The following LSP1 variants were observed in gnomAD, a reference collection of about 807,000 sequenced individuals.
LSP1 encodes lymphocyte-specific protein 1.
LSP1 carries 32 observed loss-of-function variants against 49.3 expected under a neutral mutation model. The observed-to-expected ratio is 0.65, with a 90% CI of 0.49 to 0.87. The LOEUF (loss-of-function observed/expected upper bound fraction) is 0.87, where lower values mean the gene tolerates loss of function less well. Ranked by LOEUF, LSP1 falls within the 40% of genes least tolerant of loss-of-function variation. The pLI, the probability that LSP1 is intolerant of heterozygous loss-of-function variation, is 0.00. For missense variants in LSP1, 428 were observed against 442.6 expected, an observed-to-expected ratio of 0.97 and a Z score of 0.30; for synonymous variants, 179 against 178.8, an observed-to-expected ratio of 1.00 and a Z score of -0.01.
intron 1 of LSP1, among the ~76,000 whole-genome samples, chr11:1,858,139 G>A (rs547897193): frequency 7.2e-5 from 11 of 152,194 alleles, no homozygotes; most frequent in African/African-American, 1.2e-4. Flanking sequence ...TTTCACAGAC[G>A]GAAACCGAGG....
At chr11:1,865,390 C>T (rs376473312) in intron 1 of LSP1, 5 of 238,452 alleles carry the variant, frequency 2.1e-5, no homozygotes, top group African/African-American at 4.7e-5. Context: ...GCGTGGGCAG[C>T]GAGAGGGTGC....
At chr11:1,853,331 G>A (rs1847407682) in intron 1 of LSP1, 134 bp downstream of exon 1, 3 of 910,280 alleles carry the variant, frequency 3.3e-6, no homozygotes, top group East Asian at 2.7e-5. Context: ...TTGGATGTCC[G>A]ATGGGGAAAC....
chr11:1,865,919 G>A (rs1173320057), intron 1 of LSP1, among the ~76,000 whole-genome samples: 1 of 152,028 alleles, frequency 6.6e-6, no homozygotes, highest in East Asian at 1.9e-4. Context: ...CAGGGCCAGG[G>A]AAGGTGCCCG....
chr11:1,853,381 C>T (rs1589801561), intron 1 of LSP1, among the ~76,000 whole-genome samples, 184 bp downstream of exon 1: 1 of 152,166 alleles, frequency 6.6e-6, no homozygotes, highest in South Asian at 2.1e-4. Flanking sequence ...CTTGCTGGGA[C>T]CCCCCTCTCA....
intron 1 of LSP1, chr11:1,870,299 C>G: frequency 7.7e-7 from 1 of 1,299,760 alleles, no homozygotes; most frequent in Non-Finnish European, 1.0e-6. Context: ...AAAGCTTACT[C>G]CCATCCTGGG....
At chr11:1,855,332 C>T (rs1847461766) in intron 1 of LSP1, among the ~76,000 whole-genome samples, 1 of 152,196 alleles carries the variant, frequency 6.6e-6, no homozygotes, top group African/African-American at 2.4e-5. Context: ...GCAGGCTCAG[C>T]TGGGGCTGGA....
In LSP1 at chr11:1,853,713, C is replaced by T. The variant is rs115322918; in HGVS notation, c.53+516C>T. ...CCCAGCAGGCCTCAGGGCAGGGCAC[C>T]CAAAGCTGCCCTTGACCTGCGGTAA... is the stretch of plus-strand genomic sequence containing the variant. On this transcript the variant is annotated intron_variant, in intron 1 of 10. Transcript: ENST00000311604. 2.4e-3 allele frequency among the ~76,000 whole-genome samples: 360 copies of T among 152,304 alleles called. 2 individuals carry two copies. The highest frequency in any genetic ancestry group is 8.4e-3 in the African/African-American group (351 of 41,568).
intron 3 of LSP1, 81 bp downstream of exon 3, chr11:1,881,677 G>T (rs1848551879): frequency 7.1e-7 from 1 of 1,415,676 alleles, no homozygotes; most frequent in Non-Finnish European, 9.3e-7. Context: ...GGCAGAGCAG[G>T]GCTCCCTCTG....
rs370841098 is a variant in LSP1, at chr11:1,871,209, G to C, written c.54-8878G>C. ...TGCACAGCACGCAGAACAGGAGGAGGGGGGAAGAAAGAGCAGGCACGGGGC... is the reference window on the plus strand; with the variant it reads ...TGCACAGCACGCAGAACAGGAGGAGCGGGGAAGAAAGAGCAGGCACGGGGC... On this transcript the variant is annotated intron_variant, in intron 1 of 10. Coordinates refer to ENST00000311604, the MANE Select transcript of LSP1 (RefSeq NM_002339.3). The C allele has an allele frequency of 5.3e-5, 52 of 986,342 alleles. No homozygotes were observed. The South Asian group carries it at 1.5e-3, about 28-fold the overall frequency. 61.1% of individuals were successfully genotyped at this position (986,342 alleles called of 1,614,324 possible). A position where few individuals can be genotyped will look rare whatever the true frequency, so the allele number is the denominator to read the frequency against.
intron 10 of LSP1, chr11:1,889,443 T>C: frequency 1.5e-6 from 1 of 650,996 alleles, no homozygotes; most frequent in Non-Finnish European, 2.8e-6. Context: ...CACCTCCTGC[T>C]CTGTGGGGGC....
intron 1 of LSP1, chr11:1,863,115 G>A (rs1273061666): frequency 1.3e-5 from 2 of 152,238 alleles, no homozygotes; most frequent in Non-Finnish European, 2.9e-5. Flanking sequence ...GACTCCCGCA[G>A]TCTCCATGGG....
intron 1 of LSP1, among the ~76,000 whole-genome samples, chr11:1,861,683 GTGGA>G (rs1847633748): frequency 7.2e-6 from 1 of 139,164 alleles, no homozygotes; most frequent in African/African-American, 2.7e-5. Flanking sequence ...GGGTGGATGG[GTGGA>G]TGGGTGGGTG....
chr11:1,884,424 G>C lies in LSP1; in HGVS notation c.636-76G>C, dbSNP rs1215325683. 10 of 1,603,454 alleles carry C rather than the reference G, an allele frequency of 6.2e-6. No homozygotes were observed. Among genetic ancestry groups the C allele is most frequent in the Middle Eastern group, 3.3e-4 (2 of 6,076 alleles). ...GGTAGAGATCTGGAGACCGAGGGGG[G>C]CTCTGGGAGAGGCTTGGGCAGGTTG... On this transcript the variant is annotated intron_variant, in intron 6 of 10. Coordinates refer to ENST00000311604, the MANE Select transcript of LSP1 (RefSeq NM_002339.3). The surrounding 1 kb of genome is among the most constrained non-coding windows in gnomAD (Gnocchi z 4.1).
At chr11:1,869,463 G>A (rs946432192) in intron 1 of LSP1, among the ~76,000 whole-genome samples, 1 of 152,016 alleles carries the variant, frequency 6.6e-6, no homozygotes, top group Non-Finnish European at 1.5e-5. Context: ...GAGCAGAAGC[G>A]GGTGCAGGGT....
At chr11:1,857,155 G>A (rs532919312) in intron 1 of LSP1, among the ~76,000 whole-genome samples, 7 of 152,298 alleles carry the variant, frequency 4.6e-5, no homozygotes, top group Admixed American at 1.3e-4. Flanking sequence ...GCTGTCCACC[G>A]ACACCCAGCT....
chr11:1,873,844 G>GCCAGCAGAGCAGGGAGC (rs1848154852), intron 1 of LSP1, among the ~76,000 whole-genome samples: 1 of 114,784 alleles, frequency 8.7e-6, no homozygotes, highest in Non-Finnish European at 1.9e-5. Flanking sequence ...GAGGAGGGAG[G>GCCAGCAGAGCAGGGAGC]CCGGCAGAGG....
chr11:1,890,237 GTGCGGGGAGCGGGGTAGGGCAGCCACCA>G (rs1374368086), intron 10 of LSP1: 5 of 716,384 alleles, frequency 7.0e-6, no homozygotes, highest in Non-Finnish European at 1.3e-5. Flanking sequence ...TGATGGGGGT[GTGCGGGGAGCGGGGTAGGGCAGCCACCA>G]TGCGGGGAGC....
At chr11:1,854,630 G>A (rs1296811575) in intron 1 of LSP1, among the ~76,000 whole-genome samples, 1 of 152,230 alleles carries the variant, frequency 6.6e-6, no homozygotes, top group Non-Finnish European at 1.5e-5. Context: ...AGAGGCCGGG[G>A]CTGGCTGAGG....
At chr11:1,866,250 G>T (rs1037090496) in intron 1 of LSP1, among the ~76,000 whole-genome samples, 1 of 152,196 alleles carries the variant, frequency 6.6e-6, no homozygotes, top group Non-Finnish European at 1.5e-5. Flanking sequence ...TCCTTTGATG[G>T]CATGGAGCAT....
Sources: gnomAD v4.1 joint callset for allele counts (sites outside exome capture counted in the v4.1 genomes callset) on GRCh38, gnomAD v4.1.1 for gene constraint, Gnocchi (gnomAD v3.1) non-coding constraint, MANE v1.5 for transcripts, NCBI Gene and HGNC (gene_info 2026-07-23, HGNC 2026-07-21) for gene names.